Variants in KCNJ6 observed in about 807,000 individuals in gnomAD.
KCNJ6 encodes G protein-activated inward rectifier potassium channel 2.
In KCNJ6, 9 loss-of-function variants were observed where a neutral mutation model predicts 34.2. The ratio of observed to expected loss-of-function variants is 0.26; its 90% CI spans 0.16 to 0.46. The LOEUF (loss-of-function observed/expected upper bound fraction) is 0.46. Ranked by LOEUF, KCNJ6 falls within the 20% of genes least tolerant of loss-of-function variation. The pLI is 1.00. For synonymous variants in KCNJ6, 196 were observed against 207.1 expected, an observed-to-expected ratio of 0.95 and a Z score of 0.46; for missense variants, 236 against 531.3, an observed-to-expected ratio of 0.44 and a Z score of 5.46.
Position 37,756,434 on chromosome 21 carries a change from C to T in KCNJ6, c.26-41303G>A, listed in dbSNP as rs375854298. ...GGCCTGGGAGAAGGCAGGGGACGTG[C>T]GTGGAAACAGAGGCGCAGTCTGGGT... On this transcript the variant is annotated intron_variant, in intron 2 of 3. Coordinates refer to ENST00000609713, the MANE Select transcript of KCNJ6 (RefSeq NM_002240.5). Among the ~76,000 whole-genome samples, 15 of 152,268 alleles carry T rather than the reference C, an allele frequency of 9.9e-5. No individual in the cohort carries two copies. The East Asian group carries it at 2.7e-3, about 27-fold the overall frequency.
intron 2 of KCNJ6, among the ~76,000 whole-genome samples, chr21:37,826,383 C>A (rs1049960343): frequency 6.6e-6 from 1 of 152,114 alleles, no homozygotes; most frequent in South Asian, 2.1e-4. Context: ...CATTTGATAC[C>A]GTGTCTTAGT....
At chr21:37,898,168 G>A (rs114200956) in intron 1 of KCNJ6, among the ~76,000 whole-genome samples, 3,470 of 152,320 alleles carry the variant, frequency 0.023, 131 homozygotes, top group African/African-American at 0.076. Flanking sequence ...TTTGGTTGCT[G>A]ACGCTAGCCT....
At chr21:37,659,906 G>A (rs2054480418) in intron 3 of KCNJ6, among the ~76,000 whole-genome samples, 1 of 152,202 alleles carries the variant, frequency 6.6e-6, no homozygotes, top group African/African-American at 2.4e-5. Flanking sequence ...TCAGAAAACT[G>A]TCTCCCTCTG....
In KCNJ6 at chr21:37,611,622, A is replaced by G. The variant is rs924502732; in HGVS notation, c.*13537T>C. 1.3e-5 allele frequency: 2 copies of G among 152,238 alleles called. No homozygotes were observed. The highest frequency in any genetic ancestry group is 3.8e-4 in the East Asian group (2 of 5,206). The allele number at this position is 152,238 out of a possible 1,614,324, so 9.4% of individuals were successfully genotyped here. A position where few individuals can be genotyped will look rare whatever the true frequency, so the allele number is the denominator to read the frequency against. On this transcript the variant is annotated 3_prime_UTR_variant, in exon 4 of 4. Transcript: ENST00000609713. ...ATTAGCAAATCAAGTCCAACAATAT[A>G]TGAAAATAATTAAACACCATGACCA...
At chr21:37,674,027 T>C (rs1198411024) in intron 3 of KCNJ6, among the ~76,000 whole-genome samples, 1 of 152,202 alleles carries the variant, frequency 6.6e-6, no homozygotes, top group African/African-American at 2.4e-5. Flanking sequence ...ATGTGAAGTC[T>C]AACTGCCCTC....
chr21:37,753,086 G>A (rs922086512), intron 2 of KCNJ6, among the ~76,000 whole-genome samples: 1 of 152,218 alleles, frequency 6.6e-6, no homozygotes, highest in Non-Finnish European at 1.5e-5. Flanking sequence ...TGCTGAGGGT[G>A]GGCGAGACGG....
chr21:37,811,466 G>C (rs940698452), intron 2 of KCNJ6, among the ~76,000 whole-genome samples: 5 of 152,122 alleles, frequency 3.3e-5, no homozygotes, highest in Non-Finnish European at 5.9e-5. Flanking sequence ...TAACTTGTGG[G>C]AGCTGACATT....
At chr21:37,647,541 C>A (rs1029835306) in intron 3 of KCNJ6, among the ~76,000 whole-genome samples, 1 of 152,072 alleles carries the variant, frequency 6.6e-6, no homozygotes, top group African/African-American at 2.4e-5. Flanking sequence ...GGGTCCATAC[C>A]CCCAATCACT....
intron 2 of KCNJ6, among the ~76,000 whole-genome samples, chr21:37,766,905 G>C (rs1198941773): frequency 6.6e-6 from 1 of 152,156 alleles, no homozygotes; most frequent in East Asian, 1.9e-4. Context: ...TCTAGGTTTT[G>C]AGCTCCTTAT....
chr21:37,759,100 CTGTT>C (rs1403336504), intron 2 of KCNJ6, among the ~76,000 whole-genome samples: 1 of 152,208 alleles, frequency 6.6e-6, no homozygotes, highest in Non-Finnish European at 1.5e-5. Flanking sequence ...TGAGTGGTGA[CTGTT>C]CCATGTTTGA....
intron 1 of KCNJ6, among the ~76,000 whole-genome samples, chr21:37,914,008 G>GGTGGGTGT (rs1555855562): frequency 1.5e-5 from 2 of 135,480 alleles, no homozygotes; most frequent in Non-Finnish European, 3.2e-5. Context: ...GGCGGATCGG[G>GGTGGGTGT]GTGTGTGTGT....
In KCNJ6 at chr21:37,624,807, C is replaced by G. The variant is rs2054303391; in HGVS notation, c.*352G>C. Reference sequence around the variant, plus strand: ...ACCAGAAACCTTGCTTGTCATATCCCAGGTAAAATCTTTGACACACCTTTT... The same window carrying G: ...ACCAGAAACCTTGCTTGTCATATCCGAGGTAAAATCTTTGACACACCTTTT... On this transcript the variant is annotated 3_prime_UTR_variant, in exon 4 of 4. Coordinates refer to ENST00000609713, the MANE Select transcript of KCNJ6 (RefSeq NM_002240.5). 1 of 216,350 alleles carries G rather than the reference C, an allele frequency of 4.6e-6. No homozygotes were observed. The highest frequency in any genetic ancestry group is 2.3e-5 in the African/African-American group (1 of 43,116). 13.4% of individuals were successfully genotyped at this position (216,350 alleles called of 1,614,324 possible).
At chr21:37,731,117 G>GTGTGTGTA (rs2054882609) in intron 2 of KCNJ6, among the ~76,000 whole-genome samples, 1 of 151,750 alleles carries the variant, frequency 6.6e-6, no homozygotes, top group Non-Finnish European at 1.5e-5. Context: ...GTGTGTGTGT[G>GTGTGTGTA]TGTGTGTGTG....
At chr21:37,699,127 C>A (rs950878322) in intron 3 of KCNJ6, among the ~76,000 whole-genome samples, 13 of 152,286 alleles carry the variant, frequency 8.5e-5, no homozygotes, top group East Asian at 1.9e-4. Flanking sequence ...GGAGACTATC[C>A]ACAAACCCTG....
chr21:37,858,003 T>C (rs1279183737), intron 1 of KCNJ6, among the ~76,000 whole-genome samples: 2 of 151,978 alleles, frequency 1.3e-5, no homozygotes, highest in Non-Finnish European at 2.9e-5. Context: ...ATGACAGACA[T>C]GGAAGACAGA....
chr21:37,665,204 C>T (rs1329392032), intron 3 of KCNJ6, among the ~76,000 whole-genome samples: 2 of 152,160 alleles, frequency 1.3e-5, no homozygotes, highest in African/African-American at 2.4e-5. Flanking sequence ...ATAGAAGTAT[C>T]TTGCAGCAAG....
At chr21:37,700,998 C>A (rs1337618352) in intron 3 of KCNJ6, among the ~76,000 whole-genome samples, 3 of 152,126 alleles carry the variant, frequency 2.0e-5, no homozygotes, top group Non-Finnish European at 4.4e-5. Flanking sequence ...AAGTTCCTTT[C>A]ATCAAGATAT....
intron 2 of KCNJ6, among the ~76,000 whole-genome samples, chr21:37,835,577 G>A (rs2055447613): frequency 6.6e-6 from 1 of 152,192 alleles, no homozygotes; most frequent in Non-Finnish European, 1.5e-5. Context: ...ATGATTCAGA[G>A]CTTTCGGGCT....
chr21:37,632,983 A>G (rs1254104129), intron 3 of KCNJ6, among the ~76,000 whole-genome samples: 1 of 152,154 alleles, frequency 6.6e-6, no homozygotes, highest in Non-Finnish European at 1.5e-5. Context: ...AACTCATTCT[A>G]TAAGGCAAAT....
Sources: gnomAD v4.1 joint callset for allele counts (sites outside exome capture counted in the v4.1 genomes callset) on GRCh38, gnomAD v4.1.1 for gene constraint, MANE v1.5 for transcripts, NCBI Gene and HGNC (gene_info 2026-07-23, HGNC 2026-07-21) for gene names.